The following QSER1 variants were observed in gnomAD, a reference collection of about 807,000 sequenced individuals.
QSER1 encodes glutamine and serine-rich protein 1.
Under a neutral mutation model 158.5 loss-of-function variants are expected in QSER1, and 49 were observed. The ratio of observed to expected loss-of-function variants is 0.31; its 90% confidence interval spans 0.25 to 0.39. The LOEUF (loss-of-function observed/expected upper bound fraction) is 0.39. Among genes scored for constraint, QSER1 ranks in the 10% least tolerant of loss-of-function variants. The pLI, the probability that QSER1 is intolerant of heterozygous loss-of-function variation, is 1.00. For synonymous variants in QSER1, 650 were observed against 715.5 expected (o/e 0.91, Z 1.46); for missense variants, 1,754 against 2,010.3 (o/e 0.87, Z 2.44).
chr11:32,915,250 T>G (rs891366373), intron 1 of QSER1, among the ~76,000 whole-genome samples: 16 of 152,144 alleles, frequency 1.1e-4, no homozygotes, highest in African/African-American at 3.9e-4. Flanking sequence ...TTTTAAAATG[T>G]GACAGTGACG....
chr11:32,941,393 C>G (rs558763911), intron 4 of QSER1, among the ~76,000 whole-genome samples: 15 of 133,006 alleles, frequency 1.1e-4, no homozygotes, highest in African/African-American at 4.0e-4. Flanking sequence ...CTCCACCCCC[C>G]ACAACAGTCC....
chr11:32,918,402 G>GT (rs1264948564), intron 1 of QSER1, among the ~76,000 whole-genome samples: 1 of 151,976 alleles, frequency 6.6e-6, no homozygotes, highest in East Asian at 1.9e-4. Flanking sequence ...TAAGGATGTT[G>GT]TTTTTTATGG....
In QSER1 at chr11:32,949,285, G is replaced by C. The variant is rs1234267269; in HGVS notation, c.4178-4572G>C. ...TTGTTCACAGATAACTATGTGACTTGTTTTGACATATAACTTAGAAAGTAT... is the reference window on the plus strand; with the variant it reads ...TTGTTCACAGATAACTATGTGACTTCTTTTGACATATAACTTAGAAAGTAT... On this transcript the variant is annotated intron_variant, in intron 4 of 12. Transcript: ENST00000650167. 3.9e-5 allele frequency among the ~76,000 whole-genome samples: 6 copies of C among 152,144 alleles called. No individual in the cohort carries two copies. In the East Asian group the frequency reaches 1.2e-3, roughly 29 times the overall value.
At chr11:32,950,392 C>A (rs1461158074) in intron 4 of QSER1, among the ~76,000 whole-genome samples, 5 of 152,048 alleles carry the variant, frequency 3.3e-5, no homozygotes, top group Non-Finnish European at 7.4e-5. Flanking sequence ...CTGTGCCTGG[C>A]CTGGCTTTCC....
chr11:32,928,567 T>C (rs1476014029), intron 3 of QSER1, among the ~76,000 whole-genome samples: 2 of 152,234 alleles, frequency 1.3e-5, no homozygotes, highest in African/African-American at 4.8e-5. Flanking sequence ...TACAAGTTGA[T>C]ATTATGATGT....
chr11:32,965,758 C>T (rs1852730239), intron 8 of QSER1, among the ~76,000 whole-genome samples: 1 of 151,956 alleles, frequency 6.6e-6, no homozygotes, highest in South Asian at 2.1e-4. Flanking sequence ...ACCAGCCTGG[C>T]CAACATGGTG....
intron 9 of QSER1, 71 bp from the exon 10 acceptor site, chr11:32,968,975 G>A (rs1852800290): frequency 2.5e-6 from 2 of 795,002 alleles, no homozygotes; most frequent in African/African-American, 1.8e-5. Flanking sequence ...TAAATGTTTT[G>A]AGAAAAAGTT....
chr11:32,940,900 C>CT lies in QSER1; in HGVS notation c.4177+5473dup, dbSNP rs531788528. ...ATTTTTTTGCTCCTGTTATTTTTTACTTTTTTTTCTTAATGTCTGGTTTTA... is the reference window on the plus strand; with the variant it reads ...ATTTTTTTGCTCCTGTTATTTTTTACTTTTTTTTTCTTAATGTCTGGTTTTA... On this transcript the variant is annotated intron_variant, in intron 4 of 12. Transcript: ENST00000650167. Among the ~76,000 whole-genome samples, 25 of 151,802 alleles carry CT rather than the reference C, an allele frequency of 1.6e-4. No individual in the cohort carries two copies. In the South Asian group the frequency reaches 4.4e-3, roughly 26 times the overall value.
In QSER1 at chr11:32,955,338, G is replaced by A. The variant is rs763664409; in HGVS notation, c.4543G>A (p.Val1515Ile). 6 of 1,600,484 alleles carry A rather than the reference G, an allele frequency of 3.7e-6. No homozygotes were observed. In the East Asian group the frequency reaches 1.4e-4, roughly 36 times the overall value. ...TGKEPPAIWK[V>I]QKALLQKFVP... ...AAAAGAACCTCCAGCTATTTGGAAA[G>A]TACAAAAAGCTTTATTACAGAAATT... is the stretch of plus-strand genomic sequence containing the variant. The change falls in exon 6 of 13, where the codon GTA becomes ATA. Residue 1515 changes from valine (V) to isoleucine (I), a missense_variant. Physicochemically the swap from Val to Ile is conservative, Grantham distance 29. Transcript: ENST00000650167.
intron 1 of QSER1, among the ~76,000 whole-genome samples, chr11:32,905,077 T>A (rs1851674980): frequency 6.6e-6 from 1 of 152,232 alleles, no homozygotes; most frequent in Non-Finnish European, 1.5e-5. Flanking sequence ...TTGGCCTCTG[T>A]AAGTTAACAA....
At chr11:32,902,847 A>G (rs566741888) in intron 1 of QSER1, among the ~76,000 whole-genome samples, 7 of 152,318 alleles carry the variant, frequency 4.6e-5, no homozygotes, top group African/African-American at 1.7e-4. Flanking sequence ...TGTAGGTACT[A>G]TTGTTAGCCC....
chr11:32,968,959 AAT>A lies in QSER1; in HGVS notation c.5108-81_5108-80del, dbSNP rs1176519249. ...TATGCCAATGAATTTAGTGTATTTT[AAT>A]ATATAAATGTTTTGAGAAAAAGTTG... On this transcript the variant is annotated intron_variant, in intron 9 of 12. Coordinates refer to ENST00000650167, the MANE Select transcript of QSER1 (RefSeq NM_001076786.3). The A allele has an allele frequency of 7.3e-6, 5 of 686,448 alleles. No individual in the cohort carries two copies. In the South Asian group the frequency reaches 1.0e-4, roughly 14 times the overall value. The allele number at this position is 686,448 out of a possible 1,614,324, so 42.5% of individuals were successfully genotyped here. A position where few individuals can be genotyped will look rare whatever the true frequency, so the allele number is the denominator to read the frequency against.
At chr11:32,966,849 A>C (rs1255890172) in intron 9 of QSER1, among the ~76,000 whole-genome samples, 1 of 152,206 alleles carries the variant, frequency 6.6e-6, no homozygotes, top group African/African-American at 2.4e-5. Flanking sequence ...ACATCATAGC[A>C]ATTATTTTCT....
rs1590193992 is a variant in QSER1 at position 32,979,598 on chromosome 11, G to T, written c.*3124G>T. Reference sequence around the variant, plus strand: ...GGGAAAAAAATCTTATTTTAAAATGGCTTAGAAAGTTTTCAGATTACTTTG... The same window carrying T: ...GGGAAAAAAATCTTATTTTAAAATGTCTTAGAAAGTTTTCAGATTACTTTG... On this transcript the variant is annotated 3_prime_UTR_variant, in exon 13 of 13. Transcript: ENST00000650167. 1.3e-5 allele frequency: 2 copies of T among 152,238 alleles called. No individual in the cohort carries two copies. The highest frequency in any genetic ancestry group is 3.9e-4 in the East Asian group (2 of 5,176). The allele number at this position is 152,238 out of a possible 1,614,324, so 9.4% of individuals were successfully genotyped here.
intron 1 of QSER1, among the ~76,000 whole-genome samples, chr11:32,920,000 A>G (rs979985234): frequency 2.0e-5 from 3 of 151,962 alleles, no homozygotes; most frequent in Non-Finnish European, 2.9e-5. Flanking sequence ...ACTTTCTGGC[A>G]CTACAAGATA....
Position 32,957,203 on chromosome 11 carries a change from G to A in QSER1, c.4752-666G>A, listed in dbSNP as rs369146121. Among the ~76,000 whole-genome samples, 81 of 144,370 alleles carry A rather than the reference G, an allele frequency of 5.6e-4. No individual in the cohort carries two copies. In the Middle Eastern group the frequency reaches 0.026, roughly 46 times the overall value. 94.7% of individuals were successfully genotyped at this position (144,370 alleles called of 152,430 possible). Reference sequence around the variant, plus strand: ...GTCGCCCAGGCTGGAGTGCAGCGGCGTGATCTTGGCTCACTGCAACCTCCA... The same window carrying A: ...GTCGCCCAGGCTGGAGTGCAGCGGCATGATCTTGGCTCACTGCAACCTCCA... On this transcript the variant is annotated intron_variant, in intron 7 of 12. Coordinates refer to ENST00000650167, the MANE Select transcript of QSER1 (RefSeq NM_001076786.3).
chr11:32,902,501 C>T (rs1851638266), intron 1 of QSER1, among the ~76,000 whole-genome samples: 1 of 152,236 alleles, frequency 6.6e-6, no homozygotes, highest in East Asian at 1.9e-4. Flanking sequence ...ACATTCTTAT[C>T]TCCTTAAATA....
intron 1 of QSER1, among the ~76,000 whole-genome samples, chr11:32,901,897 A>T (rs1233467642): frequency 6.6e-6 from 1 of 152,194 alleles, no homozygotes; most frequent in Non-Finnish European, 1.5e-5. Context: ...CAGCCTGGGC[A>T]ACATGGTGAA....
At chr11:32,903,444 T>C (rs1471754612) in intron 1 of QSER1, among the ~76,000 whole-genome samples, 1 of 150,238 alleles carries the variant, frequency 6.7e-6, no homozygotes, top group Non-Finnish European at 1.5e-5. Flanking sequence ...TTAGGCAGAA[T>C]GGGATGTGGA....
Sources: allele counts gnomAD v4.1 joint callset (sites outside exome capture counted in the v4.1 genomes callset), GRCh38; gene constraint gnomAD v4.1.1; transcripts MANE v1.5; gene names NCBI Gene and HGNC (gene_info 2026-07-23, HGNC 2026-07-21).